MTNR1A: variants seen among roughly 807,000 people sequenced by gnomAD.
MTNR1A encodes melatonin receptor type 1A.
In MTNR1A, 7 loss-of-function variants were observed where a neutral mutation model predicts 5.5. The ratio of observed to expected loss-of-function variants is 1.28; its 90% confidence interval spans 0.73 to 2.40. MTNR1A has a LOEUF of 2.40. Ranked by LOEUF, MTNR1A falls within the 30% of genes most tolerant of loss-of-function variation. MTNR1A has a pLI of 0.00. For synonymous variants in MTNR1A, 196 were observed against 202.7 expected (o/e 0.97, Z 0.28); for missense variants, 441 against 464.4 (o/e 0.95, Z 0.46).
chr4:186,544,675 T>A (rs1218435877), intron 1 of MTNR1A, among the ~76,000 whole-genome samples: 1 of 152,194 alleles, frequency 6.6e-6, no homozygotes, highest in Admixed American at 6.5e-5. Flanking sequence ...CATTTGATAA[T>A]CTCCAAATCT....
chr4:186,549,320 C>G (rs909541442), intron 1 of MTNR1A, among the ~76,000 whole-genome samples: 1 of 152,104 alleles, frequency 6.6e-6, no homozygotes, highest in African/African-American at 2.4e-5. Context: ...TTTGAGAAAA[C>G]AAGTATAAAT....
In MTNR1A at chr4:186,555,216, C is replaced by T. The variant is rs1259292005; in HGVS notation, c.150G>A (p.Leu50=). 1 of 1,592,498 alleles carries T rather than the reference C, an allele frequency of 6.3e-7. No homozygotes were observed. The highest frequency in any genetic ancestry group is 8.5e-7 in the Non-Finnish European group (1 of 1,170,126). The part of the protein sequence containing the change: ...VDILGNLLVI[L]SVYRNKKLRN... ...TGAGCTTCTTGTTCCGATACACCGA[C>T]AGGATGACCAGGAGGTTGCCCAGGA... Residue 50 remains leucine, a synonymous_variant, in exon 1 of 2, where the codon CTG becomes CTA. Coordinates refer to ENST00000307161, the MANE Select transcript of MTNR1A (RefSeq NM_005958.4). This position sits in a 1 kb window ranked among gnomAD's most constrained non-coding sequence, Gnocchi z 4.1.
chr4:186,536,353 A>T (rs1560893144), intron 1 of MTNR1A, among the ~76,000 whole-genome samples: 2 of 151,262 alleles, frequency 1.3e-5, no homozygotes, highest in African/African-American at 4.9e-5. Context: ...TATCAAAAAA[A>T]AAAAAGAAAA....
rs71640068 is a variant in MTNR1A, at chr4:186,546,950, C to G, written c.184+8232G>C. 4.1e-4 allele frequency among the ~76,000 whole-genome samples: 24 copies of G among 58,596 alleles called. 1 individual carries two copies. The highest frequency in any genetic ancestry group is 1.1e-3 in the African/African-American group (15 of 14,062). 38.4% of individuals were successfully genotyped at this position (58,596 alleles called of 152,430 possible). On this transcript the variant is annotated intron_variant, in intron 1 of 1. Coordinates refer to ENST00000307161, the MANE Select transcript of MTNR1A (RefSeq NM_005958.4). ...ACACCGTCCACACCACACCCTGTTC[C>G]TGGGACACACCGTCCACACCACACC...
chr4:186,554,860 G>C (rs1054272386), intron 1 of MTNR1A, among the ~76,000 whole-genome samples: 2 of 152,224 alleles, frequency 1.3e-5, no homozygotes, highest in African/African-American at 4.8e-5. Context: ...CGTTGCAGAG[G>C]CTGCTTGAGG....
intron 1 of MTNR1A, among the ~76,000 whole-genome samples, chr4:186,547,649 T>G (rs73024715): frequency 0.012 from 1,794 of 152,352 alleles, 33 homozygotes; most frequent in African/African-American, 0.04. Context: ...TCCCCACCTG[T>G]TCTCTAACTT....
intron 1 of MTNR1A, among the ~76,000 whole-genome samples, chr4:186,550,132 T>G (rs1225065313): frequency 6.6e-6 from 1 of 152,214 alleles, no homozygotes; most frequent in African/African-American, 2.4e-5. Flanking sequence ...ATTATTTAAC[T>G]GCACTAAAAA....
intron 1 of MTNR1A, among the ~76,000 whole-genome samples, chr4:186,551,477 C>A (rs12501688): frequency 6.6e-6 from 1 of 151,450 alleles, no homozygotes. Context: ...TCACCAGATG[C>A]GTACTAGCAT....
At chr4:186,539,121 G>A (rs2111371860) in intron 1 of MTNR1A, among the ~76,000 whole-genome samples, 1 of 151,386 alleles carries the variant, frequency 6.6e-6, no homozygotes, top group South Asian at 2.1e-4. Flanking sequence ...GGAGGCTGAG[G>A]CAGGAGAATC....
intron 1 of MTNR1A, among the ~76,000 whole-genome samples, chr4:186,553,150 C>T (rs193013169): frequency 2.0e-4 from 31 of 152,302 alleles, no homozygotes; most frequent in Admixed American, 1.8e-3. Flanking sequence ...ATCCTTAAAG[C>T]CAACAAAATT....
intron 1 of MTNR1A, among the ~76,000 whole-genome samples, chr4:186,546,885 C>T (rs1737160418): frequency 1.4e-5 from 2 of 139,952 alleles, no homozygotes; most frequent in Non-Finnish European, 3.1e-5. Flanking sequence ...ACACCCTGTT[C>T]GTGGGACACA....
chr4:186,540,814 C>A (rs113669561), intron 1 of MTNR1A, among the ~76,000 whole-genome samples: 1 of 80,688 alleles, frequency 1.2e-5, no homozygotes, highest in Non-Finnish European at 2.3e-5. Flanking sequence ...GACTGAAGGA[C>A]CAGGTGCTGT....
chr4:186,549,535 T>C (rs1358206508), intron 1 of MTNR1A, among the ~76,000 whole-genome samples: 2 of 152,204 alleles, frequency 1.3e-5, no homozygotes, highest in Non-Finnish European at 2.9e-5. Flanking sequence ...CCTCGTAAGA[T>C]AACAACTTTA....
Position 186,555,493 on chromosome 4 carries a change from C to A in MTNR1A, c.-128G>T. 1 of 713,316 alleles carries A rather than the reference C, an allele frequency of 1.4e-6. No individual in the cohort carries two copies. Among genetic ancestry groups the A allele is most frequent in the Non-Finnish European group, 1.9e-6 (1 of 533,678 alleles). The allele number at this position is 713,316 out of a possible 1,614,324, so 44.2% of individuals were successfully genotyped here. A position where few individuals can be genotyped will look rare whatever the true frequency, so the allele number is the denominator to read the frequency against. On this transcript the variant is annotated 5_prime_UTR_variant, in exon 1 of 2. Coordinates refer to ENST00000307161, the MANE Select transcript of MTNR1A (RefSeq NM_005958.4). This position sits in a 1 kb window ranked among gnomAD's most constrained non-coding sequence, Gnocchi z 4.1. ...CCCGCGCGCTCCTCCACGCCGCGCC[C>A]CCGGACGCCCACGCCGCGCCGGACG...
intron 1 of MTNR1A, among the ~76,000 whole-genome samples, chr4:186,535,616 G>A (rs1460984129): frequency 2.0e-5 from 3 of 152,140 alleles, no homozygotes; most frequent in Admixed American, 2.0e-4. Context: ...TTGCCATTTT[G>A]TCTAGGCTGC....
intron 1 of MTNR1A, among the ~76,000 whole-genome samples, chr4:186,549,081 T>C (rs1737216367): frequency 6.6e-6 from 1 of 151,690 alleles, no homozygotes; most frequent in East Asian, 1.9e-4. Flanking sequence ...AAAATAAAAA[T>C]GAGTGAACCA....
intron 1 of MTNR1A, among the ~76,000 whole-genome samples, chr4:186,535,274 C>A (rs995269220): frequency 6.6e-5 from 10 of 151,842 alleles, no homozygotes; most frequent in Admixed American, 6.6e-4. Context: ...CACCTTGAAC[C>A]AAAGGAAAAT....
intron 1 of MTNR1A, among the ~76,000 whole-genome samples, chr4:186,539,429 A>G (rs1439291050): frequency 6.6e-6 from 1 of 152,158 alleles, no homozygotes; most frequent in East Asian, 1.9e-4. Context: ...CAGCCACCTG[A>G]TCCATCTGAT....
chr4:186,550,833 A>T (rs1246893117), intron 1 of MTNR1A, among the ~76,000 whole-genome samples: 1 of 152,264 alleles, frequency 6.6e-6, no homozygotes. Context: ...AACTACTGTC[A>T]TAAGATTTAC....
Sources: allele counts gnomAD v4.1 joint callset (sites outside exome capture counted in the v4.1 genomes callset), GRCh38; gene constraint gnomAD v4.1.1; non-coding constraint Gnocchi (gnomAD v3.1); transcripts MANE v1.5; gene names NCBI Gene and HGNC (gene_info 2026-07-23, HGNC 2026-07-21).